GRIP1: variants seen among roughly 807,000 people sequenced by gnomAD.
GRIP1 encodes the protein glutamate receptor interacting protein 1, also known as glutamate receptor-interacting protein 1.
GRIP1 carries 45 observed loss-of-function variants against 129.9 expected under a neutral mutation model. The ratio of observed to expected loss-of-function variants is 0.35; its 90% confidence interval spans 0.27 to 0.44. GRIP1 has a LOEUF of 0.44. Ranked by LOEUF, GRIP1 falls within the 20% of genes least tolerant of loss-of-function variation. The pLI, the probability that GRIP1 is intolerant of heterozygous loss-of-function variation, is 1.00. For synonymous variants in GRIP1, 530 were observed against 520.8 expected (o/e 1.02, Z -0.24); for missense variants, 1,196 against 1,396.8 (o/e 0.86, Z 2.29).
At chr12:66,930,250 T>TC (rs1206164418) in intron 1 of GRIP1, among the ~76,000 whole-genome samples, 3 of 86,866 alleles carry the variant, frequency 3.5e-5, no homozygotes, top group Non-Finnish European at 6.6e-5. Context: ...ATGCTATCCC[T>TC]CCCCCCTCCC....
chr12:66,679,070 G>A lies in GRIP1; in HGVS notation c.-166C>T, dbSNP rs945988345. The A allele has an allele frequency of 2.4e-5, 37 of 1,515,236 alleles. No homozygotes were observed. The highest frequency in any genetic ancestry group is 3.1e-5 in the Non-Finnish European group (35 of 1,131,760). The allele number at this position is 1,515,236 out of a possible 1,614,324, so 93.9% of individuals were successfully genotyped here. On this transcript the variant is annotated 5_prime_UTR_variant, in exon 1 of 25. Coordinates refer to ENST00000359742, the MANE Select transcript of GRIP1 (RefSeq NM_001366722.1). Reference sequence around the variant, plus strand: ...TGGCTGATGCAGAGGTCCGCTACATGTCATCTGGCAAATCTGTGTCATTCA... The same window carrying A: ...TGGCTGATGCAGAGGTCCGCTACATATCATCTGGCAAATCTGTGTCATTCA...
At chr12:66,877,011 C>T (rs895055275) in intron 1 of GRIP1, among the ~76,000 whole-genome samples, 6 of 152,000 alleles carry the variant, frequency 3.9e-5, no homozygotes, top group Non-Finnish European at 8.8e-5. Context: ...TCCAGGAATG[C>T]AGCCTCAATA....
intron 1 of GRIP1, among the ~76,000 whole-genome samples, chr12:66,780,000 A>G (rs541309974): frequency 6.6e-6 from 1 of 152,292 alleles, no homozygotes; most frequent in Admixed American, 6.5e-5. Flanking sequence ...ATCAGGAGGC[A>G]GGGAAGGAGC....
intron 13 of GRIP1, 83 bp downstream of exon 13, chr12:66,444,501 A>T (rs2058565144): frequency 1.6e-6 from 2 of 1,221,446 alleles, no homozygotes; most frequent in African/African-American, 1.6e-5. Context: ...TCAAAAAAAA[A>T]AAAAAAAAAA....
At chr12:66,956,476 G>A (rs957163696) in intron 1 of GRIP1, among the ~76,000 whole-genome samples, 1 of 152,060 alleles carries the variant, frequency 6.6e-6, no homozygotes, top group African/African-American at 2.4e-5. Flanking sequence ...TCCACTGTAC[G>A]GTTCCTCCGT....
chr12:66,527,117 G>GAAGT (rs1474637986), intron 5 of GRIP1, among the ~76,000 whole-genome samples: 3 of 147,356 alleles, frequency 2.0e-5, no homozygotes, highest in African/African-American at 7.6e-5. Context: ...AGTCAGTGTG[G>GAAGT]CGATTCCTCA....
chr12:66,765,481 T>A (rs1047433710), intron 1 of GRIP1, among the ~76,000 whole-genome samples: 19 of 152,352 alleles, frequency 1.2e-4, no homozygotes, highest in Admixed American at 2.0e-4. Flanking sequence ...ATAGTTTTTT[T>A]AAATTAGATC....
rs1565987806 is a variant in GRIP1 at position 66,723,242 on chromosome 12, TCCTTCCTTCCTTCCTTCCTTCCTTC to T, written c.-420+80786_-420+80810del. On this transcript the variant is annotated intron_variant, in intron 1 of 4. Coordinates refer to the GRIP1 transcript ENST00000538373. The stretch of plus-strand genomic sequence containing the variant: ...TCTTTCTTTCTCTCTCTCTCTCTCT[TCCTTCCTTCCTTCCTTCCTTCCTTC>T]CTTCCTTCCTTCCTTCCTTTCTTTC... Among the ~76,000 whole-genome samples, 218 of 57,268 alleles carry T rather than the reference TCCTTCCTTCCTTCCTTCCTTCCTTC, an allele frequency of 3.8e-3. 23 individuals are homozygous for T. Among genetic ancestry groups the T allele is most frequent in the African/African-American group, 0.018 (202 of 11,286 alleles). The allele number at this position is 57,268 out of a possible 152,430, so 37.6% of individuals were successfully genotyped here.
intron 1 of GRIP1, among the ~76,000 whole-genome samples, chr12:66,654,140 T>G (rs2032989464): frequency 6.6e-6 from 1 of 152,094 alleles, no homozygotes; most frequent in Non-Finnish European, 1.5e-5. Flanking sequence ...TTGAAACTTT[T>G]TCAACATAGG....
intron 4 of GRIP1, among the ~76,000 whole-genome samples, chr12:66,532,155 T>G (rs554713119): frequency 1.3e-5 from 2 of 152,360 alleles, no homozygotes; most frequent in East Asian, 1.9e-4. Flanking sequence ...TAAATTTGAA[T>G]GTTGACTGCG....
intron 15 of GRIP1, among the ~76,000 whole-genome samples, chr12:66,417,400 G>A (rs963410501): frequency 6.6e-6 from 1 of 152,070 alleles, no homozygotes; most frequent in Non-Finnish European, 1.5e-5. Context: ...GATGCTCACT[G>A]TCACCACTGT....
At chr12:66,371,621 A>T in intron 23 of GRIP1, 73 bp downstream of exon 23, 1 of 929,998 alleles carries the variant, frequency 1.1e-6, no homozygotes, top group Non-Finnish European at 1.8e-6. Flanking sequence ...TGCCATGCTT[A>T]CATCTCGGCG....
At chr12:66,785,779 TAACCTTTAAAAGG>T (rs1371771270) in intron 1 of GRIP1, among the ~76,000 whole-genome samples, 9 of 151,980 alleles carry the variant, frequency 5.9e-5, no homozygotes, top group Non-Finnish European at 1.2e-4. Context: ...CACACTTAAG[TAACCTTTAAAAGG>T]AAAGCAGGGC....
chr12:66,690,512 G>A (rs866953627), intron 1 of GRIP1, among the ~76,000 whole-genome samples: 5 of 151,506 alleles, frequency 3.3e-5, no homozygotes, highest in African/African-American at 7.3e-5. Context: ...TCAAGATGCC[G>A]ATTTCATTTC....
intron 1 of GRIP1, among the ~76,000 whole-genome samples, chr12:66,726,364 A>G (rs149800119): frequency 1.9e-3 from 287 of 152,312 alleles, no homozygotes; most frequent in Middle Eastern, 6.8e-3. Flanking sequence ...TTATCACTCT[A>G]TGAGTTGGAT....
intron 7 of GRIP1, among the ~76,000 whole-genome samples, chr12:66,474,718 C>T (rs537323449): frequency 6.6e-6 from 1 of 152,240 alleles, no homozygotes; most frequent in Admixed American, 6.5e-5. Flanking sequence ...ATTTCATATC[C>T]AGTCAAACTA....
chr12:66,478,057 G>A (rs1016016212), intron 7 of GRIP1, among the ~76,000 whole-genome samples: 17 of 152,088 alleles, frequency 1.1e-4, no homozygotes, highest in Non-Finnish European at 1.8e-4. Flanking sequence ...GAGCTTCTGT[G>A]CAGCAAAAGA....
chr12:66,908,592 C>T (rs544422852), intron 1 of GRIP1, among the ~76,000 whole-genome samples: 1 of 148,518 alleles, frequency 6.7e-6, no homozygotes, highest in South Asian at 2.1e-4. Context: ...ATATTAAACA[C>T]CCTCTTGCAC....
intron 15 of GRIP1, among the ~76,000 whole-genome samples, chr12:66,413,284 C>A (rs1242551347): frequency 1.3e-5 from 2 of 152,128 alleles, no homozygotes; most frequent in Non-Finnish European, 2.9e-5. Flanking sequence ...TCAAATTAAA[C>A]TCAAGATTAA....
Sources: gnomAD v4.1 joint callset for allele counts (sites outside exome capture counted in the v4.1 genomes callset) on GRCh38, gnomAD v4.1.1 for gene constraint, MANE v1.5 for transcripts, NCBI Gene and HGNC (gene_info 2026-07-23, HGNC 2026-07-21) for gene names.